Variants in MYO3B observed in about 807,000 individuals in gnomAD.
The protein encoded by MYO3B is myosin-IIIb.
Under a neutral mutation model 174.6 loss-of-function variants are expected in MYO3B, and 156 were observed. The ratio of observed to expected loss-of-function variants is 0.89; its 90% CI spans 0.78 to 1.02. MYO3B has a LOEUF of 1.02. Among genes scored for constraint, MYO3B ranks in the 50% least tolerant of loss-of-function variants. The pLI, the probability that MYO3B is intolerant of heterozygous loss-of-function variation, is 0.00. For synonymous variants in MYO3B, 563 were observed against 569.1 expected, an observed-to-expected ratio of 0.99 and a Z score of 0.15; for missense variants, 1,632 against 1,639.4, an observed-to-expected ratio of 1.00 and a Z score of 0.08.
At chr2:170,395,440 G>T (rs2094437588) in intron 16 of MYO3B, among the ~76,000 whole-genome samples, 2 of 152,222 alleles carry the variant, frequency 1.3e-5, no homozygotes, top group East Asian at 3.8e-4. Context: ...ATAGATCCCT[G>T]TTGGAGAGGT....
chr2:170,411,370 A>G (rs796873843), intron 22 of MYO3B, among the ~76,000 whole-genome samples: 4 of 152,342 alleles, frequency 2.6e-5, no homozygotes, highest in African/African-American at 9.6e-5. Flanking sequence ...CATCTAGGCT[A>G]TATGTTGTAG....
chr2:170,255,062 A>G (rs2093292496), intron 7 of MYO3B, among the ~76,000 whole-genome samples: 1 of 152,172 alleles, frequency 6.6e-6, no homozygotes, highest in South Asian at 2.1e-4. Context: ...CCATGGCACT[A>G]CTGCTCTGCC....
At chr2:170,647,091 T>C (rs1698443444) in intron 32 of MYO3B, among the ~76,000 whole-genome samples, 1 of 152,208 alleles carries the variant, frequency 6.6e-6, no homozygotes, top group Non-Finnish European at 1.5e-5. Flanking sequence ...CTCCATTTCT[T>C]TCTAAAGTTT....
intron 25 of MYO3B, among the ~76,000 whole-genome samples, chr2:170,469,013 G>A (rs1397912184): frequency 1.3e-5 from 2 of 152,086 alleles, no homozygotes; most frequent in Admixed American, 1.3e-4. Flanking sequence ...AAATTAGCTG[G>A]GTGTGGTGGC....
chr2:170,529,032 T>G (rs954998093), intron 30 of MYO3B, among the ~76,000 whole-genome samples: 1 of 152,246 alleles, frequency 6.6e-6, no homozygotes, highest in Non-Finnish European at 1.5e-5. Context: ...GTACTCAAGA[T>G]TCCAAAAAAT....
At chr2:170,204,172 G>A (rs879723675) in intron 3 of MYO3B, among the ~76,000 whole-genome samples, 15 of 152,114 alleles carry the variant, frequency 9.9e-5, no homozygotes, top group Admixed American at 6.6e-4. Flanking sequence ...AACATGATTC[G>A]TCCAACACCA....
rs60171555 is a variant in MYO3B at position 170,230,336 on chromosome 2, ATTTTTTT to A, written c.604-5635_604-5629del. Among the ~76,000 whole-genome samples the A allele has an allele frequency of 1.1e-3, 71 of 64,720 alleles. 1 individual carries two copies. Among genetic ancestry groups the A allele is most frequent in the Admixed American group, 1.6e-3 (6 of 3,790 alleles). 42.5% of individuals were successfully genotyped at this position (64,720 alleles called of 152,430 possible). On this transcript the variant is annotated intron_variant, in intron 6 of 34. Coordinates refer to ENST00000408978, the MANE Select transcript of MYO3B (RefSeq NM_138995.5). Reference sequence around the variant, plus strand: ...AGGCATGTGCCACCACGCCTGGCTAATTTTTTTTTTTTTTTTTTTTTTTTTTAGTAGA... The same window carrying A: ...AGGCATGTGCCACCACGCCTGGCTAATTTTTTTTTTTTTTTTTTTAGTAGA...
chr2:170,351,222 G>A (rs183869006), intron 8 of MYO3B: 3 of 152,168 alleles, frequency 2.0e-5, no homozygotes, highest in Admixed American at 1.3e-4. Context: ...AGACTAACAG[G>A]GCTCCAAACA....
chr2:170,461,480 A>G (rs975362879), intron 23 of MYO3B, among the ~76,000 whole-genome samples: 3 of 150,456 alleles, frequency 2.0e-5, no homozygotes, highest in African/African-American at 7.4e-5. Flanking sequence ...AAAAAAAAAA[A>G]AAAAAAAGGG....
intron 32 of MYO3B, among the ~76,000 whole-genome samples, chr2:170,612,622 G>T (rs1300446530): frequency 6.6e-6 from 1 of 152,174 alleles, no homozygotes; most frequent in Non-Finnish European, 1.5e-5. Flanking sequence ...GGGAGAAAAG[G>T]AGTCTGACAC....
rs952841088 is a variant in MYO3B, at chr2:170,466,791, C to T, written c.3014+80C>T. On this transcript the variant is annotated intron_variant, in intron 25 of 34. Transcript: ENST00000408978. ...ATCCCTGTGTCCTAAGATTGTTCCT[C>T]CTGCGTGCTCTCCTCCAAACATGTA... 3.6e-6 allele frequency: 5 copies of T among 1,405,634 alleles called. No homozygotes were observed. The African/African-American group carries it at 4.2e-5, about 12-fold the overall frequency. The allele number at this position is 1,405,634 out of a possible 1,614,324, so 87.1% of individuals were successfully genotyped here.
intron 1 of MYO3B, 26 bp downstream of exon 1, chr2:170,178,315 G>A (rs2092356704): frequency 6.2e-7 from 1 of 1,613,974 alleles, no homozygotes; most frequent in Non-Finnish European, 8.5e-7. Context: ...TTTCCTTCCA[G>A]CTTTCTTCTG....
chr2:170,230,192 CAG>C (rs1242049335), intron 6 of MYO3B, among the ~76,000 whole-genome samples: 1 of 144,910 alleles, frequency 6.9e-6, no homozygotes, highest in Non-Finnish European at 1.5e-5. Context: ...TTTTTCGAGA[CAG>C]AGTCTTGCTC....
chr2:170,376,300 G>A (rs192671770), intron 9 of MYO3B, among the ~76,000 whole-genome samples: 35 of 152,176 alleles, frequency 2.3e-4, no homozygotes, highest in African/African-American at 2.2e-4. Context: ...TGTTTTTCTC[G>A]TTTGAGGTCC....
intron 32 of MYO3B, among the ~76,000 whole-genome samples, chr2:170,567,053 G>T (rs935018554): frequency 1.3e-5 from 2 of 152,134 alleles, no homozygotes; most frequent in African/African-American, 2.4e-5. Flanking sequence ...AAAAGAGGTG[G>T]TAGAATCTTT....
At chr2:170,486,428 C>T (rs1476379363) in intron 25 of MYO3B, among the ~76,000 whole-genome samples, 1 of 151,858 alleles carries the variant, frequency 6.6e-6, no homozygotes, top group African/African-American at 2.4e-5. Flanking sequence ...CCTCAGCCTC[C>T]CAAGTAGCTG....
At chr2:170,514,025 G>T (rs545503200) in intron 28 of MYO3B, among the ~76,000 whole-genome samples, 145 of 152,330 alleles carry the variant, frequency 9.5e-4, no homozygotes, top group African/African-American at 3.3e-3. Context: ...TGAGAACAAG[G>T]TGTAGGTAAG....
intron 7 of MYO3B, among the ~76,000 whole-genome samples, chr2:170,236,520 T>C (rs992539396): frequency 3.3e-5 from 5 of 152,240 alleles, no homozygotes; most frequent in African/African-American, 1.2e-4. Context: ...ATGTATATCA[T>C]ATTGCTGTAT....
At chr2:170,414,524 A>G (rs1216342823) in intron 22 of MYO3B, among the ~76,000 whole-genome samples, 1 of 152,118 alleles carries the variant, frequency 6.6e-6, no homozygotes, top group Non-Finnish European at 1.5e-5. Context: ...GATTCCTTCA[A>G]CTTTATTCTT....
Sources: allele counts gnomAD v4.1 joint callset (sites outside exome capture counted in the v4.1 genomes callset), GRCh38; gene constraint gnomAD v4.1.1; transcripts MANE v1.5; gene names NCBI Gene and HGNC (gene_info 2026-07-23, HGNC 2026-07-21).